Variants in ZBTB7C observed in about 807,000 individuals in gnomAD.
ZBTB7C encodes the protein zinc finger and BTB domain-containing protein 7C.
A neutral mutation model predicts 25.7 loss-of-function variants in ZBTB7C; 8 were observed. The ratio of observed to expected loss-of-function variants is 0.31; its 90% confidence interval spans 0.18 to 0.56. The LOEUF is 0.56. Ranked by LOEUF, ZBTB7C falls within the 20% of genes least tolerant of loss-of-function variation. The pLI, the probability that ZBTB7C is intolerant of heterozygous loss-of-function variation, is 0.91. For missense variants in ZBTB7C, 824 were observed against 855.2 expected, an observed-to-expected ratio of 0.96 and a Z score of 0.46; for synonymous variants, 394 against 369.0, an observed-to-expected ratio of 1.07 and a Z score of -0.78.
intron 3 of ZBTB7C, among the ~76,000 whole-genome samples, chr18:48,109,243 T>C (rs2039146198): frequency 6.6e-6 from 1 of 152,036 alleles, no homozygotes; most frequent in Non-Finnish European, 1.5e-5. Context: ...AGACCCTGAG[T>C]GGAAAGACCC....
At chr18:48,354,601 A>G (rs2046936567) in intron 1 of ZBTB7C, among the ~76,000 whole-genome samples, 1 of 152,004 alleles carries the variant, frequency 6.6e-6, no homozygotes, top group Non-Finnish European at 1.5e-5. Context: ...ACATGAATAG[A>G]GCTTCTCTAT....
chr18:48,210,435 T>C (rs1265195408), intron 2 of ZBTB7C, among the ~76,000 whole-genome samples: 5 of 152,120 alleles, frequency 3.3e-5, no homozygotes, highest in Non-Finnish European at 7.4e-5. Flanking sequence ...AATGAACGAA[T>C]GAATAAAAGG....
At chr18:48,251,179 A>T (rs2043845292) in intron 2 of ZBTB7C, among the ~76,000 whole-genome samples, 1 of 152,182 alleles carries the variant, frequency 6.6e-6, no homozygotes, top group Non-Finnish European at 1.5e-5. Flanking sequence ...AGCCATGATT[A>T]CACCACTGCA....
intron 3 of ZBTB7C, among the ~76,000 whole-genome samples, chr18:48,136,235 G>C (rs1277523735): frequency 6.6e-6 from 1 of 152,194 alleles, no homozygotes; most frequent in Non-Finnish European, 1.5e-5. Context: ...GGACGCACGG[G>C]GTCAGTCCTT....
At chr18:48,257,786 G>GAAA (rs199616477) in intron 2 of ZBTB7C, among the ~76,000 whole-genome samples, 1 of 141,056 alleles carries the variant, frequency 7.1e-6, no homozygotes, top group Non-Finnish European at 1.6e-5. Context: ...TTAACAAGCT[G>GAAA]AAAAAAAAAA....
chr18:48,098,165 C>G (rs1479570579), intron 3 of ZBTB7C, among the ~76,000 whole-genome samples: 1 of 152,184 alleles, frequency 6.6e-6, no homozygotes, highest in Non-Finnish European at 1.5e-5. Context: ...GGGAGTGATT[C>G]ACTCTGACGG....
chr18:48,217,151 C>A (rs1446420852), intron 2 of ZBTB7C, among the ~76,000 whole-genome samples: 1 of 152,210 alleles, frequency 6.6e-6, no homozygotes, highest in Admixed American at 6.5e-5. Context: ...ATCTCAGACA[C>A]CTGGCCTGCA....
intron 2 of ZBTB7C, among the ~76,000 whole-genome samples, chr18:48,318,541 C>G (rs1244183386): frequency 6.6e-6 from 1 of 152,228 alleles, no homozygotes; most frequent in Non-Finnish European, 1.5e-5. Context: ...AGGGTCGCAT[C>G]TGCGGCCCAC....
chr18:48,257,960 G>A (rs1409898525), intron 2 of ZBTB7C, among the ~76,000 whole-genome samples: 1 of 152,126 alleles, frequency 6.6e-6, no homozygotes, highest in African/African-American at 2.4e-5. Flanking sequence ...CCTGAGCCCA[G>A]GAGTTCAAGG....
intron 2 of ZBTB7C, among the ~76,000 whole-genome samples, chr18:48,281,850 T>G (rs566149757): frequency 4.0e-4 from 60 of 148,346 alleles, no homozygotes; most frequent in African/African-American, 1.3e-3. Context: ...GGAACACTTT[T>G]ACACTGTTGG....
chr18:48,165,174 G>T, intron 3 of ZBTB7C: 1 of 1,274,140 alleles, frequency 7.8e-7, no homozygotes, highest in Non-Finnish European at 1.0e-6. Context: ...GTCCAGGAAG[G>T]GGAGGGTTCT....
intron 3 of ZBTB7C, among the ~76,000 whole-genome samples, chr18:48,133,361 A>G (rs8086449): frequency 0.4 from 60,609 of 152,136 alleles, 13,426 homozygotes; most frequent in East Asian, 0.52. Flanking sequence ...AAAAGGGAAA[A>G]TGACAGAAGA....
intron 3 of ZBTB7C, among the ~76,000 whole-genome samples, chr18:48,166,510 G>A (rs2041249397): frequency 6.6e-6 from 1 of 152,130 alleles, no homozygotes; most frequent in Admixed American, 6.5e-5. Flanking sequence ...ATGCCGTTGG[G>A]GTGGGAGTCC....
chr18:48,278,201 G>A (rs1413904484), intron 2 of ZBTB7C, among the ~76,000 whole-genome samples: 2 of 152,192 alleles, frequency 1.3e-5, no homozygotes, highest in African/African-American at 4.8e-5. Context: ...CCTGCCACAT[G>A]CAAAGAAATC....
chr18:48,266,974 G>T (rs2044334652), intron 2 of ZBTB7C, among the ~76,000 whole-genome samples: 1 of 152,092 alleles, frequency 6.6e-6, no homozygotes, highest in South Asian at 2.1e-4. Context: ...TCCTTTAAAG[G>T]ATTACATAGC....
intron 1 of ZBTB7C, among the ~76,000 whole-genome samples, chr18:48,357,668 A>G (rs1451622596): frequency 1.3e-5 from 2 of 152,004 alleles, no homozygotes; most frequent in African/African-American, 4.8e-5. Flanking sequence ...GCCCCACCCA[A>G]CCCTGACCAG....
chr18:48,218,583 T>G (rs755757616), intron 2 of ZBTB7C, among the ~76,000 whole-genome samples: 7 of 152,214 alleles, frequency 4.6e-5, no homozygotes, highest in Non-Finnish European at 8.8e-5. Context: ...GGGCCTGGTT[T>G]CAGTGGATCT....
intron 3 of ZBTB7C, among the ~76,000 whole-genome samples, chr18:48,114,996 G>T (rs977656467): frequency 6.6e-6 from 1 of 152,036 alleles, no homozygotes; most frequent in African/African-American, 2.4e-5. Flanking sequence ...CCACAGTGTT[G>T]TGCAATCATT....
At chr18:48,302,651 T>C (rs1375488779) in intron 2 of ZBTB7C, among the ~76,000 whole-genome samples, 4 of 152,230 alleles carry the variant, frequency 2.6e-5, no homozygotes, top group Admixed American at 1.3e-4. Flanking sequence ...CCAGCACAGA[T>C]TGGCTGGAGT....
Sources: gnomAD v4.1 joint callset for allele counts (sites outside exome capture counted in the v4.1 genomes callset) on GRCh38, gnomAD v4.1.1 for gene constraint, MANE v1.5 for transcripts, NCBI Gene and HGNC (gene_info 2026-07-23, HGNC 2026-07-21) for gene names.